The following RBPMS variants were observed in gnomAD, a reference collection of about 807,000 sequenced individuals.
The protein encoded by RBPMS is RNA-binding protein with multiple splicing.
A neutral mutation model predicts 26.8 loss-of-function variants in RBPMS; 7 were observed. The ratio of observed to expected loss-of-function variants is 0.26; its 90% CI spans 0.15 to 0.49. The LOEUF is 0.49. RBPMS is among the 20% of genes least tolerant of loss of function. The probability of loss-of-function intolerance (pLI) is 0.98; values close to 1 mark genes in which losing one functional copy is unlikely to be tolerated. For missense variants in RBPMS, 186 were observed against 250.0 expected (o/e 0.74, Z 1.73); for synonymous variants, 96 against 93.3 (o/e 1.03, Z -0.17).
At chr8:30,477,520 C>T (rs148812240) in intron 2 of RBPMS, among the ~76,000 whole-genome samples, 25 of 152,068 alleles carry the variant, frequency 1.6e-4, no homozygotes, top group Non-Finnish European at 3.1e-4. Context: ...AACAGAGACA[C>T]TCATTTTTCT....
intron 1 of RBPMS, among the ~76,000 whole-genome samples, chr8:30,385,708 C>G (rs148349551): frequency 6.6e-6 from 1 of 152,046 alleles, no homozygotes; most frequent in African/African-American, 2.4e-5. Flanking sequence ...TCAAAGACCC[C>G]GAGCCTGGGC....
chr8:30,392,657 C>A (rs571490936), intron 1 of RBPMS, among the ~76,000 whole-genome samples: 2 of 152,288 alleles, frequency 1.3e-5, no homozygotes, highest in East Asian at 3.9e-4. Flanking sequence ...AGCAGCCTGG[C>A]AGTGGCAACT....
intron 5 of RBPMS, among the ~76,000 whole-genome samples, chr8:30,520,028 T>A (rs892255726): frequency 6.6e-6 from 1 of 152,168 alleles, no homozygotes; most frequent in South Asian, 2.1e-4. Flanking sequence ...TTATATGACA[T>A]CCCTTTATAA....
intron 5 of RBPMS, among the ~76,000 whole-genome samples, chr8:30,511,486 A>AATATATATATATAT (rs869100800): frequency 1.7e-4 from 4 of 23,528 alleles, no homozygotes; most frequent in African/African-American, 6.6e-4. Flanking sequence ...AAAAAAAAAA[A>AATATATATATATAT]ATATATATAT....
chr8:30,548,331 C>T, intron 6 of RBPMS, among the ~76,000 whole-genome samples: 1 of 149,740 alleles, frequency 6.7e-6, no homozygotes, highest in African/African-American at 2.5e-5. Context: ...GAGAGAAAGT[C>T]GTTAAAGTAT....
intron 4 of RBPMS, among the ~76,000 whole-genome samples, chr8:30,492,086 T>C (rs1819460250): frequency 6.6e-6 from 1 of 152,188 alleles, no homozygotes; most frequent in African/African-American, 2.4e-5. Flanking sequence ...GAGATAGGGT[T>C]TCACCATGGT....
intron 4 of RBPMS, among the ~76,000 whole-genome samples, chr8:30,481,802 G>A (rs905576780): frequency 4.6e-5 from 7 of 152,230 alleles, no homozygotes; most frequent in Middle Eastern, 3.4e-3. Flanking sequence ...CTTTCTTGAC[G>A]TTTTGAACTT....
At chr8:30,423,299 G>A (rs1332106823) in intron 1 of RBPMS, among the ~76,000 whole-genome samples, 2 of 152,114 alleles carry the variant, frequency 1.3e-5, no homozygotes, top group African/African-American at 2.4e-5. Context: ...CATGTGTTCC[G>A]GCACCTTGTG....
chr8:30,558,665 T>C lies in RBPMS; in HGVS notation c.529-222T>C, dbSNP rs1827183418. On this transcript the variant is annotated intron_variant, in intron 6 of 8. Transcript: ENST00000397323. ...CTCGGGCACTTCTCGAGGTGGGTGCTTTCCTCAGAGAGCTTGCCTGTGTGT... is the reference window on the plus strand; with the variant it reads ...CTCGGGCACTTCTCGAGGTGGGTGCCTTCCTCAGAGAGCTTGCCTGTGTGT... The C allele has an allele frequency of 1.3e-5, 8 of 609,720 alleles. No homozygotes were observed. In the South Asian group the frequency reaches 1.5e-4, roughly 11 times the overall value. 37.8% of individuals were successfully genotyped at this position (609,720 alleles called of 1,614,324 possible).
At chr8:30,478,268 A>G (rs2150840923) in intron 3 of RBPMS, among the ~76,000 whole-genome samples, 1 of 152,324 alleles carries the variant, frequency 6.6e-6, no homozygotes, top group South Asian at 2.1e-4. Context: ...GAGAACGTAC[A>G]AAATGGAAGT....
At chr8:30,420,877 G>A (rs1295839301) in intron 1 of RBPMS, among the ~76,000 whole-genome samples, 1 of 152,216 alleles carries the variant, frequency 6.6e-6, no homozygotes, top group Non-Finnish European at 1.5e-5. Flanking sequence ...AGAAGATGAA[G>A]AGAGTCCGGG....
chr8:30,455,081 C>G (rs1815048488), intron 1 of RBPMS, among the ~76,000 whole-genome samples: 1 of 152,310 alleles, frequency 6.6e-6, no homozygotes, highest in Non-Finnish European at 1.5e-5. Context: ...CCTTGGCCTC[C>G]CAAAGTGTTA....
At chr8:30,488,536 A>G (rs1238204953) in intron 4 of RBPMS, among the ~76,000 whole-genome samples, 1 of 152,204 alleles carries the variant, frequency 6.6e-6, no homozygotes, top group African/African-American at 2.4e-5. Context: ...TAGAATGCTC[A>G]ATAAATGAGT....
At chr8:30,501,705 G>A (rs900172448) in intron 4 of RBPMS, among the ~76,000 whole-genome samples, 3 of 152,158 alleles carry the variant, frequency 2.0e-5, no homozygotes, top group Non-Finnish European at 2.9e-5. Context: ...TGAGAAGAAC[G>A]GTGAATTATG....
chr8:30,503,578 G>A (rs2150931608), intron 4 of RBPMS, among the ~76,000 whole-genome samples: 1 of 152,066 alleles, frequency 6.6e-6, no homozygotes, highest in South Asian at 2.1e-4. Context: ...TTTTTTTCAA[G>A]CTCATTAGGA....
At chr8:30,519,641 G>T (rs557088676) in intron 5 of RBPMS, among the ~76,000 whole-genome samples, 1 of 151,744 alleles carries the variant, frequency 6.6e-6, no homozygotes, top group Admixed American at 6.6e-5. Flanking sequence ...CCACCACTGC[G>T]CCCGGCTAAT....
intron 5 of RBPMS, among the ~76,000 whole-genome samples, chr8:30,517,283 C>G (rs13258503): frequency 0.52 from 77,893 of 149,988 alleles, 20,431 homozygotes; most frequent in African/African-American, 0.6. Flanking sequence ...AAAACATTGG[C>G]AGAAATGATG....
chr8:30,492,706 C>A (rs1399619289), intron 4 of RBPMS, among the ~76,000 whole-genome samples: 1 of 152,112 alleles, frequency 6.6e-6, no homozygotes, highest in Non-Finnish European at 1.5e-5. Context: ...TGCACATAAA[C>A]CCCCCTACTT....
chr8:30,504,226 C>T (rs1820856825), intron 4 of RBPMS, 60 bp from the exon 5 acceptor site: 4 of 1,588,982 alleles, frequency 2.5e-6, no homozygotes, highest in Non-Finnish European at 2.6e-6. Context: ...TATTTTGTCA[C>T]CATTCCGGTT....
Sources: allele counts gnomAD v4.1 joint callset (sites outside exome capture counted in the v4.1 genomes callset), GRCh38; gene constraint gnomAD v4.1.1; transcripts MANE v1.5; gene names NCBI Gene and HGNC (gene_info 2026-07-23, HGNC 2026-07-21).